Variants in DTL observed in about 807,000 individuals in gnomAD.
DTL encodes denticleless protein homolog.
DTL carries 46 observed loss-of-function variants against 87.0 expected under a neutral mutation model. The ratio of observed to expected loss-of-function variants is 0.53; its 90% CI spans 0.42 to 0.68. The LOEUF (loss-of-function observed/expected upper bound fraction) is 0.68, where lower values mean the gene tolerates loss of function less well. DTL is among the 30% of genes least tolerant of loss of function. DTL has a pLI of 0.00. For synonymous variants in DTL, 308 were observed against 311.2 expected, an observed-to-expected ratio of 0.99 and a Z score of 0.11; for missense variants, 737 against 869.4, an observed-to-expected ratio of 0.85 and a Z score of 1.91.
At chr1:212,098,493 T>C (rs1229510034) in intron 13 of DTL, among the ~76,000 whole-genome samples, 1 of 152,090 alleles carries the variant, frequency 6.6e-6, no homozygotes, top group Non-Finnish European at 1.5e-5. Context: ...TTGTCTTTTG[T>C]TTACGGCTAC....
chr1:212,081,352 CAGAG>C (rs1654985953), intron 13 of DTL, among the ~76,000 whole-genome samples: 1 of 152,154 alleles, frequency 6.6e-6, no homozygotes, highest in African/African-American at 2.4e-5. Flanking sequence ...TTCTCTTCCT[CAGAG>C]AGGCTAGCAT....
At chr1:212,102,691 CAA>C in intron 14 of DTL, 149 bp from the exon 15 acceptor site, 2 of 584,928 alleles carry the variant, frequency 3.4e-6, no homozygotes, top group East Asian at 2.9e-5. Context: ...ACAAATCAGC[CAA>C]AAGAGACATT....
rs993949613 is a variant in DTL, at chr1:212,080,743, T to C, written c.1254T>C (p.Pro418=). ...WASQKKKESR[P]GLVTVTSSQS... Reference sequence around the variant, plus strand: ...CTCAGAAGAAAAAAGAGTCAAGACCTGGCCTAGGTAAGGATATCATATACT... The same window carrying C: ...CTCAGAAGAAAAAAGAGTCAAGACCCGGCCTAGGTAAGGATATCATATACT... The change falls in exon 13 of 15, where the codon CCT becomes CCC. Residue 418 remains proline, a synonymous_variant. Transcript: ENST00000366991. 3 of 1,613,450 alleles carry C rather than the reference T, an allele frequency of 1.9e-6. No individual in the cohort carries two copies. Among genetic ancestry groups the C allele is most frequent in the East Asian group, 4.5e-5 (2 of 44,862 alleles).
intron 5 of DTL, among the ~76,000 whole-genome samples, chr1:212,048,193 G>C (rs557887531): frequency 1.3e-5 from 2 of 151,618 alleles, no homozygotes; most frequent in Non-Finnish European, 2.9e-5. Flanking sequence ...TTTGTTTTTT[G>C]TTTGTTTGTT....
At chr1:212,059,231 A>T (rs1323486477) in intron 5 of DTL, among the ~76,000 whole-genome samples, 1 of 152,074 alleles carries the variant, frequency 6.6e-6, no homozygotes, top group East Asian at 1.9e-4. Context: ...ACACAAAAAA[A>T]CTACAGAACA....
chr1:212,079,156 CT>C (rs921084614), intron 12 of DTL, among the ~76,000 whole-genome samples: 2 of 150,758 alleles, frequency 1.3e-5, no homozygotes, highest in East Asian at 3.9e-4. Context: ...CAGACCTTTT[CT>C]TTTTTTTTAA....
chr1:212,055,263 G>T (rs1668134814), intron 5 of DTL, among the ~76,000 whole-genome samples: 1 of 151,368 alleles, frequency 6.6e-6, no homozygotes, highest in African/African-American at 2.5e-5. Context: ...GAGACCCCCA[G>T]CAGCCCAAAT....
intron 1 of DTL, among the ~76,000 whole-genome samples, chr1:212,041,048 T>G (rs1667625082): frequency 1.3e-5 from 2 of 152,216 alleles, no homozygotes; most frequent in Non-Finnish European, 2.9e-5. Context: ...TGCATGTAAC[T>G]CCAGGGGCTT....
At chr1:212,064,833 A>T in intron 6 of DTL, 84 bp from the exon 7 acceptor site, 2 of 1,115,448 alleles carry the variant, frequency 1.8e-6, no homozygotes, top group Non-Finnish European at 2.7e-6. Flanking sequence ...GTCAAAAATT[A>T]CTTAATATTG....
At chr1:212,073,628 T>G (rs1374467103) in intron 11 of DTL, among the ~76,000 whole-genome samples, 1 of 152,200 alleles carries the variant, frequency 6.6e-6, no homozygotes, top group Non-Finnish European at 1.5e-5. Flanking sequence ...AATGCAACAC[T>G]ACTTTATTAA....
chr1:212,065,093 C>T, intron 7 of DTL, 64 bp downstream of exon 7: 1 of 1,178,400 alleles, frequency 8.5e-7, no homozygotes, highest in Non-Finnish European at 1.3e-6. Context: ...AAATGGGAGG[C>T]TATTGATTAA....
intron 13 of DTL, among the ~76,000 whole-genome samples, chr1:212,093,365 C>T (rs1185682310): frequency 1.3e-5 from 2 of 152,178 alleles, no homozygotes; most frequent in Non-Finnish European, 2.9e-5. Context: ...CTATTAGACC[C>T]CTGCCTTATC....
At chr1:212,073,123 A>G (rs1654726219) in intron 11 of DTL, among the ~76,000 whole-genome samples, 1 of 152,200 alleles carries the variant, frequency 6.6e-6, no homozygotes, top group Admixed American at 6.5e-5. Flanking sequence ...ACTGTAAGCT[A>G]AGAAATTTAA....
intron 7 of DTL, 102 bp downstream of exon 7, chr1:212,065,131 T>A: frequency 1.2e-6 from 1 of 862,538 alleles, no homozygotes; most frequent in Non-Finnish European, 1.8e-6. Context: ...TGATTCTCAT[T>A]TGATATCAGT....
At chr1:212,099,615 G>C (rs1455406963) in intron 13 of DTL, 1 of 152,330 alleles carries the variant, frequency 6.6e-6, no homozygotes, top group Non-Finnish European at 1.5e-5. Context: ...CTTGACTGAA[G>C]ACCGATTCTC....
chr1:212,053,727 A>G (rs527697769), intron 5 of DTL, among the ~76,000 whole-genome samples: 33 of 152,144 alleles, frequency 2.2e-4, no homozygotes, highest in Non-Finnish European at 3.1e-4. Context: ...CTGAGGCTAT[A>G]GGTGCATGCC....
chr1:212,078,599 C>CT (rs1170472992), intron 12 of DTL, among the ~76,000 whole-genome samples: 1 of 151,920 alleles, frequency 6.6e-6, no homozygotes, highest in Non-Finnish European at 1.5e-5. Flanking sequence ...GTCTTTTTTA[C>CT]TTTTTAGATA....
chr1:212,053,334 C>T (rs955929183), intron 5 of DTL, among the ~76,000 whole-genome samples: 1 of 152,032 alleles, frequency 6.6e-6, no homozygotes, highest in African/African-American at 2.4e-5. Context: ...GTAGCATGAT[C>T]ATAGGCACAT....
chr1:212,089,122 C>A (rs574436091), intron 13 of DTL, among the ~76,000 whole-genome samples: 14 of 152,268 alleles, frequency 9.2e-5, no homozygotes, highest in African/African-American at 3.4e-4. Context: ...TGTTAGTAGA[C>A]TCTGTATAAT....
Sources: allele counts gnomAD v4.1 joint callset (sites outside exome capture counted in the v4.1 genomes callset), GRCh38; gene constraint gnomAD v4.1.1; transcripts MANE v1.5; gene names NCBI Gene and HGNC (gene_info 2026-07-23, HGNC 2026-07-21).